Variants in LOXL2 observed in about 807,000 individuals in gnomAD.
LOXL2 encodes the protein lysyl oxidase like 2.
LOXL2 carries 70 observed loss-of-function variants against 93.0 expected under a neutral mutation model. The ratio of observed to expected loss-of-function variants is 0.75; its 90% confidence interval spans 0.62 to 0.92. LOXL2 has a LOEUF of 0.92. LOXL2 is among the 40% of genes least tolerant of loss of function. LOXL2 has a pLI of 0.00. For synonymous variants in LOXL2, 438 were observed against 413.2 expected, an observed-to-expected ratio of 1.06 and a Z score of -0.73; for missense variants, 973 against 1,054.9, an observed-to-expected ratio of 0.92 and a Z score of 1.08.
chr8:23,381,854 C>G (rs6557664), intron 1 of LOXL2, among the ~76,000 whole-genome samples: 114,734 of 152,276 alleles, frequency 0.75, 43,982 homozygotes, highest in African/African-American at 0.88. Flanking sequence ...TCACACGTAA[C>G]TGGGTGTTAT....
At chr8:23,321,298 G>C (rs1206984478) in intron 7 of LOXL2, among the ~76,000 whole-genome samples, 1 of 142,834 alleles carries the variant, frequency 7.0e-6, no homozygotes, top group African/African-American at 2.6e-5. Context: ...ACCAGGCCCG[G>C]GATGGCCTCT....
intron 3 of LOXL2, among the ~76,000 whole-genome samples, chr8:23,355,377 T>A (rs181331419): frequency 4.4e-4 from 67 of 152,202 alleles, no homozygotes; most frequent in African/African-American, 1.6e-3. Flanking sequence ...CAGATTTGTC[T>A]CCATCCTGTT....
At chr8:23,394,053 A>G (rs967074098) in intron 1 of LOXL2, among the ~76,000 whole-genome samples, 13 of 152,362 alleles carry the variant, frequency 8.5e-5, no homozygotes, top group South Asian at 2.1e-4. Context: ...GCAATGGTCT[A>G]GAATTCAGAA....
intron 10 of LOXL2, among the ~76,000 whole-genome samples, chr8:23,307,668 A>C (rs1435646433): frequency 6.6e-6 from 1 of 152,148 alleles, no homozygotes; most frequent in Non-Finnish European, 1.5e-5. Context: ...ACCCATAGGC[A>C]GCGTCAGCCC....
At chr8:23,326,201 A>G (rs934355507) in intron 6 of LOXL2, among the ~76,000 whole-genome samples, 6 of 152,322 alleles carry the variant, frequency 3.9e-5, no homozygotes, top group Middle Eastern at 3.4e-3. Flanking sequence ...GGAGATATCA[A>G]TCATCCACTG....
intron 9 of LOXL2, among the ~76,000 whole-genome samples, chr8:23,311,195 A>G (rs1457097284): frequency 6.6e-6 from 1 of 152,160 alleles, no homozygotes; most frequent in Non-Finnish European, 1.5e-5. Flanking sequence ...AGCAGAGTCC[A>G]GCGGGTTCTC....
At chr8:23,327,363 T>C (rs1167796469) in intron 6 of LOXL2, among the ~76,000 whole-genome samples, 1 of 152,216 alleles carries the variant, frequency 6.6e-6, no homozygotes, top group Non-Finnish European at 1.5e-5. Context: ...GTGAGGGCTA[T>C]CATTTCTTCC....
intron 1 of LOXL2, among the ~76,000 whole-genome samples, chr8:23,398,235 G>GT (rs142520032): frequency 0.031 from 4,646 of 152,188 alleles, 256 homozygotes; most frequent in African/African-American, 0.11. Context: ...TTATCTTGTC[G>GT]TAAGTGTATG....
At chr8:23,363,229 G>C in intron 2 of LOXL2, 1 of 152,172 alleles carries the variant, frequency 6.6e-6, no homozygotes, top group East Asian at 1.9e-4. Context: ...AGAAACGGAG[G>C]CTCTTCAAGG....
At chr8:23,397,825 G>T (rs1245787175) in intron 1 of LOXL2, among the ~76,000 whole-genome samples, 1 of 149,318 alleles carries the variant, frequency 6.7e-6, no homozygotes, top group African/African-American at 2.5e-5. Flanking sequence ...CGTGGGCATA[G>T]TGGTGCATGC....
intron 1 of LOXL2, among the ~76,000 whole-genome samples, chr8:23,378,243 TC>T (rs1339883910): frequency 6.6e-6 from 1 of 152,218 alleles, no homozygotes. Context: ...AAAATTCTTT[TC>T]TTTAAGAATG....
At chr8:23,403,689 G>A (rs1330751613) in intron 1 of LOXL2, among the ~76,000 whole-genome samples, 2 of 152,044 alleles carry the variant, frequency 1.3e-5, no homozygotes, top group African/African-American at 4.8e-5. Flanking sequence ...ACGATCCAGG[G>A]ACCCAGCGCC....
At chr8:23,382,175 T>C (rs971132334) in intron 1 of LOXL2, among the ~76,000 whole-genome samples, 1 of 152,118 alleles carries the variant, frequency 6.6e-6, no homozygotes, top group East Asian at 1.9e-4. Flanking sequence ...CCATGTCCCC[T>C]TTTTCAGTTT....
chr8:23,370,141 C>T (rs556926291), intron 1 of LOXL2, among the ~76,000 whole-genome samples: 57 of 152,224 alleles, frequency 3.7e-4, no homozygotes, highest in African/African-American at 1.3e-3. Context: ...TCGGTTCCCA[C>T]GACGGTGTCT....
At position 23,341,160 on chromosome 8, in the gene LOXL2, A is replaced by T; in HGVS notation, c.575T>A (p.Leu192His). The T allele has an allele frequency of 6.2e-7, 1 of 1,613,692 alleles. No homozygotes were observed. The highest frequency in any genetic ancestry group is 8.5e-7 in the Non-Finnish European group (1 of 1,180,032). Residue 192 changes from leucine to histidine, a missense_variant, in exon 4 of 14, where the codon CTC (leucine) becomes CAC (histidine). Transcript: ENST00000389131. ...QVEDIRIRAI[L>H]STYRKRTPVM... is the part of the protein sequence containing the mutation. ...TGGGGTGCGCTTGCGGTAGGTTGAG[A>T]GGATGGCTCGAATCCGAATGTCCTC...
chr8:23,383,721 C>T (rs1229295506), intron 1 of LOXL2, among the ~76,000 whole-genome samples: 6 of 136,160 alleles, frequency 4.4e-5, no homozygotes, highest in South Asian at 2.3e-4. Context: ...AGTGCAGTGG[C>T]GCAATCTCGG....
rs200460771 is a variant in LOXL2 at position 23,302,147 on chromosome 8, G to A, written c.2013C>T (p.Tyr671=). 59 of 1,614,014 alleles carry A rather than the reference G, an allele frequency of 3.7e-5. No individual in the cohort carries two copies. The highest frequency in any genetic ancestry group is 3.6e-5 in the Non-Finnish European group (42 of 1,180,018). Residue 671 remains tyrosine (Y), a synonymous_variant, in exon 12 of 14, where the codon TAC becomes TAT. Coordinates refer to ENST00000389131, the MANE Select transcript of LOXL2 (RefSeq NM_002318.3). ...TECEGDIQKN[Y]ECANFGDQGI... ...CCTGATCGCCGAAGTTGGCACACTC[G>A]TAATTCTTCTGGATGTCTGCGGGCA... is the stretch of plus-strand genomic sequence containing the variant.
At chr8:23,304,094 G>A (rs185874256) in intron 10 of LOXL2, among the ~76,000 whole-genome samples, 60 of 152,320 alleles carry the variant, frequency 3.9e-4, no homozygotes, top group African/African-American at 1.3e-3. Flanking sequence ...GAGGCCCTCT[G>A]GGAGGGAGAC....
chr8:23,333,609 C>A lies in LOXL2; in HGVS notation c.758G>T (p.Arg253Leu). 1 of 1,613,098 alleles carries A rather than the reference C, an allele frequency of 6.2e-7. No individual in the cohort carries two copies. The highest frequency in any genetic ancestry group is 1.7e-5 in the Admixed American group (1 of 60,020). The part of the protein sequence containing the change: ...NTKVYKMFAS[R>L]RKQRYWPFSM... ...GAATGGCCAGTAGCGCTGCTTCCTC[C>A]GTGAGGCAAACATTCTGCAGACGAT... The change falls in exon 5 of 14, where the codon CGG (arginine) becomes CTG (leucine). Residue 253 changes from arginine (R) to leucine (L), a missense_variant. Transcript: ENST00000389131.
Sources: gnomAD v4.1 joint callset for allele counts (sites outside exome capture counted in the v4.1 genomes callset) on GRCh38, gnomAD v4.1.1 for gene constraint, MANE v1.5 for transcripts, NCBI Gene and HGNC (gene_info 2026-07-23, HGNC 2026-07-21) for gene names.